Variants in MGAT4C observed in about 807,000 individuals in gnomAD.
MGAT4C encodes the protein alpha-1,3-mannosyl-glycoprotein 4-beta-N-acetylglucosaminyltransferase C.
In MGAT4C, 19 loss-of-function variants were observed where a neutral mutation model predicts 40.1. The observed-to-expected ratio is 0.47, with a 90% CI of 0.33 to 0.70. The LOEUF is 0.70. Among genes scored for constraint, MGAT4C ranks in the 30% least tolerant of loss-of-function variants. The probability of loss-of-function intolerance (pLI) is 0.02; values close to 1 mark genes in which losing one functional copy is unlikely to be tolerated. For synonymous variants in MGAT4C, 181 were observed against 187.1 expected (o/e 0.97, Z 0.27); for missense variants, 491 against 563.2 (o/e 0.87, Z 1.30).
At chr12:86,560,601 A>G (rs1959816042) in intron 2 of MGAT4C, among the ~76,000 whole-genome samples, 1 of 152,180 alleles carries the variant, frequency 6.6e-6, no homozygotes, top group East Asian at 1.9e-4. Flanking sequence ...TTTCATGATA[A>G]AGTTTCTGGG....
intron 1 of MGAT4C, among the ~76,000 whole-genome samples, chr12:86,830,708 C>T (rs1248682156): frequency 7.4e-6 from 1 of 135,460 alleles, no homozygotes; most frequent in Non-Finnish European, 1.6e-5. Flanking sequence ...TACAAGATGG[C>T]TCCTAATGAA....
At chr12:86,762,318 T>C (rs1451730164) in intron 1 of MGAT4C, among the ~76,000 whole-genome samples, 1 of 152,128 alleles carries the variant, frequency 6.6e-6, no homozygotes, top group African/African-American at 2.4e-5. Context: ...CCCAAAACTC[T>C]GGGATTACAG....
At chr12:86,487,670 T>C (rs1958045927) in intron 2 of MGAT4C, among the ~76,000 whole-genome samples, 2 of 152,208 alleles carry the variant, frequency 1.3e-5, no homozygotes, top group South Asian at 4.1e-4. Context: ...TAAGGTAATT[T>C]GACTTTTATG....
intron 4 of MGAT4C, 77 bp from the exon 5 acceptor site, chr12:85,980,507 C>A: frequency 7.6e-7 from 1 of 1,313,832 alleles, no homozygotes; most frequent in Non-Finnish European, 1.0e-6. Flanking sequence ...GATATTTATT[C>A]CTTTGACTTG....
intron 2 of MGAT4C, among the ~76,000 whole-genome samples, chr12:86,003,483 C>A (rs1458227745): frequency 6.6e-6 from 1 of 152,124 alleles, no homozygotes; most frequent in Non-Finnish European, 1.5e-5. Flanking sequence ...GCCATAAAAC[C>A]AAAAACCTGT....
intron 3 of MGAT4C, among the ~76,000 whole-genome samples, chr12:86,397,827 G>C (rs930441502): frequency 6.6e-6 from 1 of 152,112 alleles, no homozygotes; most frequent in Non-Finnish European, 1.5e-5. Flanking sequence ...GCTGGGTATG[G>C]TGGAGCGTGC....
intron 1 of MGAT4C, among the ~76,000 whole-genome samples, chr12:86,836,281 T>C (rs1415442909): frequency 6.6e-6 from 1 of 152,132 alleles, no homozygotes; most frequent in Non-Finnish European, 1.5e-5. Context: ...ATATAGGATG[T>C]TTCATACCTA....
At chr12:86,286,405 C>G (rs966151256) in intron 4 of MGAT4C, among the ~76,000 whole-genome samples, 1 of 152,078 alleles carries the variant, frequency 6.6e-6, no homozygotes, top group Admixed American at 6.5e-5. Context: ...AGTACTTATA[C>G]TTGTTTGAGA....
intron 2 of MGAT4C, among the ~76,000 whole-genome samples, chr12:86,492,585 G>T (rs1410904783): frequency 6.6e-6 from 1 of 152,164 alleles, no homozygotes; most frequent in Admixed American, 6.5e-5. Context: ...GGGAAAACTG[G>T]CTAGCCATAT....
chr12:86,272,998 G>A (rs1019751271), intron 4 of MGAT4C, among the ~76,000 whole-genome samples: 4 of 152,108 alleles, frequency 2.6e-5, no homozygotes, highest in Admixed American at 6.6e-5. Context: ...TTAATGAAGT[G>A]TCCATTAATT....
intron 1 of MGAT4C, among the ~76,000 whole-genome samples, chr12:86,730,151 C>T (rs1027083368): frequency 2.6e-5 from 4 of 151,394 alleles, no homozygotes; most frequent in African/African-American, 4.9e-5. Context: ...TAAATCTGGT[C>T]GAACATAAAT....
chr12:86,318,562 G>C (rs1954301266), intron 4 of MGAT4C, among the ~76,000 whole-genome samples: 1 of 152,080 alleles, frequency 6.6e-6, no homozygotes, highest in African/African-American at 2.4e-5. Context: ...AAAATATTAT[G>C]TCTTTTTTTG....
chr12:86,292,855 A>G (rs1364202315), intron 4 of MGAT4C, among the ~76,000 whole-genome samples: 1 of 151,316 alleles, frequency 6.6e-6, no homozygotes, highest in African/African-American at 2.4e-5. Flanking sequence ...TTTTTTTTAA[A>G]CCTGCAACTT....
In MGAT4C at chr12:85,967,086, A is replaced by G. The variant is rs1311742826; in HGVS notation, c.*12203T>C. On this transcript the variant is annotated 3_prime_UTR_variant, in exon 5 of 5. Coordinates refer to ENST00000611864, the MANE Select transcript of MGAT4C (RefSeq NM_001351288.2). ...AGTTATTTGAAAATAGTTTTTTTGA[A>G]TTCACAAACTTGCAGGATGAAAAAA... The G allele has an allele frequency of 2.0e-5, 3 of 152,164 alleles. No individual in the cohort carries two copies. The highest frequency in any genetic ancestry group is 2.9e-5 in the Non-Finnish European group (2 of 68,030). The allele number at this position is 152,164 out of a possible 1,614,324, so 9.4% of individuals were successfully genotyped here.
chr12:86,219,654 A>T (rs1292542416), intron 1 of MGAT4C, among the ~76,000 whole-genome samples: 1 of 152,200 alleles, frequency 6.6e-6, no homozygotes, highest in Non-Finnish European at 1.5e-5. Context: ...TTCACTGGAC[A>T]AGTTGTAAAA....
chr12:86,019,167 C>T (rs967747260), intron 2 of MGAT4C, among the ~76,000 whole-genome samples: 16 of 151,990 alleles, frequency 1.1e-4, no homozygotes, highest in Admixed American at 3.3e-4. Context: ...TTTGATTTGT[C>T]GTGGGGAAGA....
chr12:86,521,780 G>C (rs368611942), intron 2 of MGAT4C, among the ~76,000 whole-genome samples: 69 of 151,344 alleles, frequency 4.6e-4, no homozygotes, highest in African/African-American at 1.7e-3. Context: ...TTTTTCCTTT[G>C]GGCAGTGTTT....
intron 1 of MGAT4C, among the ~76,000 whole-genome samples, chr12:86,796,542 G>T (rs561819675): frequency 6.6e-6 from 1 of 151,936 alleles, no homozygotes; most frequent in Non-Finnish European, 1.5e-5. Flanking sequence ...ACTTCCAGGG[G>T]CTGGAAAGAC....
At chr12:86,348,444 C>T (rs1282738707) in intron 3 of MGAT4C, among the ~76,000 whole-genome samples, 1 of 151,782 alleles carries the variant, frequency 6.6e-6, no homozygotes, top group African/African-American at 2.4e-5. Context: ...AATGTTTCAT[C>T]ATTTCTTGTT....
Sources: gnomAD v4.1 joint callset for allele counts (sites outside exome capture counted in the v4.1 genomes callset) on GRCh38, gnomAD v4.1.1 for gene constraint, MANE v1.5 for transcripts, NCBI Gene and HGNC (gene_info 2026-07-23, HGNC 2026-07-21) for gene names.